Variants in POLK observed in about 807,000 individuals in gnomAD.
POLK encodes the protein polymerase (DNA directed) kappa.
A neutral mutation model predicts 94.0 loss-of-function variants in POLK; 76 were observed. The observed-to-expected ratio is 0.81, with a 90% CI of 0.67 to 0.98. POLK has a LOEUF of 0.98. Ranked by LOEUF, POLK falls within the 50% of genes least tolerant of loss-of-function variation. POLK has a pLI of 0.00. For missense variants in POLK, 954 were observed against 1,010.1 expected (o/e 0.94, Z 0.75); for synonymous variants, 349 against 325.4 (o/e 1.07, Z -0.78).
intron 3 of POLK, among the ~76,000 whole-genome samples, chr5:75,563,887 A>G (rs1461304151): frequency 6.6e-6 from 1 of 152,124 alleles, no homozygotes; most frequent in Non-Finnish European, 1.5e-5. Context: ...TGGGGTGGAA[A>G]GTTCTGTAGA....
intron 1 of POLK, among the ~76,000 whole-genome samples, chr5:75,545,052 G>T (rs573456803): frequency 6.6e-6 from 1 of 152,122 alleles, no homozygotes; most frequent in African/African-American, 2.4e-5. Flanking sequence ...GATTTATTTG[G>T]TATGGGAGGA....
chr5:75,516,166 C>CT, intron 1 of POLK, among the ~76,000 whole-genome samples: 1 of 152,282 alleles, frequency 6.6e-6, no homozygotes, highest in South Asian at 2.1e-4. Context: ...TTCTCCTGTT[C>CT]TGTGGGTTGT....
chr5:75,562,453 A>C (rs1344787763), intron 3 of POLK, among the ~76,000 whole-genome samples: 7 of 152,206 alleles, frequency 4.6e-5, no homozygotes, highest in Admixed American at 3.3e-4. Flanking sequence ...TGTCACCTGC[A>C]AACAGAGGTA....
intron 1 of POLK, among the ~76,000 whole-genome samples, chr5:75,539,667 C>T (rs1364175909): frequency 6.6e-6 from 1 of 152,092 alleles, no homozygotes; most frequent in African/African-American, 2.4e-5. Context: ...CTCTCTTGCC[C>T]AGGCTGGTCT....
At chr5:75,539,628 A>AT (rs371752742) in intron 1 of POLK, among the ~76,000 whole-genome samples, 44 of 149,258 alleles carry the variant, frequency 2.9e-4, no homozygotes, top group South Asian at 1.3e-3. Context: ...CCCACGTTTA[A>AT]TTTTTTTTTT....
At chr5:75,511,730 G>C (rs1181657881), upstream of POLK, 3 of 1,548,924 alleles carry the variant, frequency 1.9e-6, no homozygotes, top group East Asian at 4.9e-5. Flanking sequence ...GACACGCCGA[G>C]CCTTCGGGAT....
chr5:75,559,525 T>G (rs916253849), intron 3 of POLK, among the ~76,000 whole-genome samples: 1 of 83,422 alleles, frequency 1.2e-5, no homozygotes, highest in Non-Finnish European at 2.2e-5. Context: ...TTTGTTTTGT[T>G]TTTTTTTTTT....
chr5:75,571,002 A>G (rs1327550959), intron 4 of POLK, among the ~76,000 whole-genome samples: 1 of 152,160 alleles, frequency 6.6e-6, no homozygotes, highest in African/African-American at 2.4e-5. Flanking sequence ...TTAAGATATA[A>G]CACCATAAAT....
At chr5:75,559,474 A>G (rs1374000299) in intron 3 of POLK, among the ~76,000 whole-genome samples, 1 of 138,754 alleles carries the variant, frequency 7.2e-6, no homozygotes, top group Non-Finnish European at 1.6e-5. Flanking sequence ...GTGCATTTTG[A>G]CCATTTTGGC....
At chr5:75,530,462 T>C (rs532921865) in intron 1 of POLK, among the ~76,000 whole-genome samples, 1 of 145,636 alleles carries the variant, frequency 6.9e-6, no homozygotes, top group South Asian at 2.2e-4. Context: ...TGGAGTGCAT[T>C]GGCATGATCT....
chr5:75,528,670 G>A (rs1258163373), intron 1 of POLK, among the ~76,000 whole-genome samples: 1 of 151,922 alleles, frequency 6.6e-6, no homozygotes, highest in Non-Finnish European at 1.5e-5. Flanking sequence ...AAAAATTTGG[G>A]CAAGGTGGCA....
At chr5:75,545,959 A>C (rs1430537345) in intron 1 of POLK, among the ~76,000 whole-genome samples, 1 of 152,188 alleles carries the variant, frequency 6.6e-6, no homozygotes, top group African/African-American at 2.4e-5. Context: ...GTAGTGCCGT[A>C]AGCATAGTAG....
intron 3 of POLK, among the ~76,000 whole-genome samples, chr5:75,559,168 C>T (rs1770807062): frequency 6.6e-6 from 1 of 152,136 alleles, no homozygotes. Flanking sequence ...GAGTTGTTTT[C>T]GTAGGAAATG....
intron 10 of POLK, among the ~76,000 whole-genome samples, 164 bp from the exon 11 acceptor site, chr5:75,590,180 A>T (rs923447184): frequency 3.9e-5 from 6 of 152,154 alleles, no homozygotes; most frequent in Admixed American, 2.6e-4. Context: ...ATTTATATAG[A>T]TCTTAGATGT....
At chr5:75,598,488 G>C (rs563529425) in exon 15 of POLK, 23 of 152,486 alleles carry the variant, frequency 1.5e-4, no homozygotes, top group Admixed American at 1.4e-3. Flanking sequence ...AATGTAACTA[G>C]CATAAGTGGT....
chr5:75,551,899 C>T (rs1770355088), intron 2 of POLK, among the ~76,000 whole-genome samples: 1 of 152,164 alleles, frequency 6.6e-6, no homozygotes, highest in Non-Finnish European at 1.5e-5. Context: ...CATATGTCCA[C>T]ATGAAAACTT....
At chr5:75,585,128 G>T (rs951475122) in intron 9 of POLK, among the ~76,000 whole-genome samples, 8 of 152,176 alleles carry the variant, frequency 5.3e-5, no homozygotes, top group African/African-American at 1.9e-4. Flanking sequence ...CCTAGGTTGT[G>T]GTGTCAGCAG....
rs1317009756 is a variant in POLK, at chr5:75,522,577, G to A, written c.-14+10663G>A. Reference sequence around the variant, plus strand: ...TCTGCTTTCAAAGATGTTATACTGCGGAAAACATTTTGAAAGCTGAAGTAT... The same window carrying A: ...TCTGCTTTCAAAGATGTTATACTGCAGAAAACATTTTGAAAGCTGAAGTAT... On this transcript the variant is annotated intron_variant, in intron 1 of 14. Coordinates refer to ENST00000241436, the Ensembl canonical transcript of POLK. 4.6e-5 allele frequency among the ~76,000 whole-genome samples: 7 copies of A among 152,000 alleles called. No individual in the cohort carries two copies. The South Asian group carries it at 6.2e-4, about 14-fold the overall frequency.
chr5:75,511,423 G>A (rs1561317973), upstream of POLK: 1 of 1,543,198 alleles, frequency 6.5e-7, no homozygotes, highest in Non-Finnish European at 8.7e-7. Context: ...GGTGAAGGAA[G>A]CCTACCCTTC....
Sources: allele counts gnomAD v4.1 joint callset (sites outside exome capture counted in the v4.1 genomes callset), GRCh38; gene constraint gnomAD v4.1.1; transcripts MANE v1.5; gene names NCBI Gene and HGNC (gene_info 2026-07-23, HGNC 2026-07-21).